Variants in GFRA2 observed in about 807,000 individuals in gnomAD.
The protein encoded by GFRA2 is GDNF family receptor alpha 2.
GFRA2 carries 17 observed loss-of-function variants against 48.3 expected under a neutral mutation model. The observed-to-expected ratio is 0.35, with a 90% CI of 0.24 to 0.53. GFRA2 has a LOEUF of 0.53. Among genes scored for constraint, GFRA2 ranks in the 20% least tolerant of loss-of-function variants. GFRA2 has a pLI of 0.93. For synonymous variants in GFRA2, 305 were observed against 257.2 expected (o/e 1.19, Z -1.78); for missense variants, 660 against 637.3 (o/e 1.04, Z -0.38).
chr8:21,725,304 C>G (rs145320844), intron 4 of GFRA2, among the ~76,000 whole-genome samples: 1 of 152,154 alleles, frequency 6.6e-6, no homozygotes, highest in Non-Finnish European at 1.5e-5. Context: ...ACAAAGCAAT[C>G]GGCAGCTGTG....
At chr8:21,719,462 A>G (rs1803491742) in intron 4 of GFRA2, among the ~76,000 whole-genome samples, 1 of 152,190 alleles carries the variant, frequency 6.6e-6, no homozygotes, top group African/African-American at 2.4e-5. Context: ...AAAGAATTAA[A>G]CGTATGCATC....
intron 4 of GFRA2, among the ~76,000 whole-genome samples, chr8:21,719,073 G>A (rs544412886): frequency 2.0e-5 from 3 of 152,232 alleles, no homozygotes; most frequent in South Asian, 2.1e-4. Flanking sequence ...TCCTCTGGGG[G>A]AGCCATGAAG....
At chr8:21,793,533 G>T (rs1392278185), upstream of GFRA2, among the ~76,000 whole-genome samples, 3 of 152,134 alleles carry the variant, frequency 2.0e-5, no homozygotes, top group Non-Finnish European at 4.4e-5. Context: ...CAAATTTATG[G>T]CTAGATACAA....
intron 3 of GFRA2, among the ~76,000 whole-genome samples, chr8:21,753,865 C>T (rs1016176599): frequency 6.6e-6 from 1 of 152,182 alleles, no homozygotes; most frequent in African/African-American, 2.4e-5. Flanking sequence ...TTTCTCCAGG[C>T]TCATTTCCCT....
At chr8:21,810,296 C>G (rs140792240) in intron 1 of GFRA2, among the ~76,000 whole-genome samples, 5 of 152,262 alleles carry the variant, frequency 3.3e-5, no homozygotes, top group African/African-American at 1.2e-4. Flanking sequence ...ACATGCAATC[C>G]TTCCCCACTC....
At chr8:21,797,028 C>T (rs1490901274) in intron 2 of GFRA2, among the ~76,000 whole-genome samples, 4 of 152,208 alleles carry the variant, frequency 2.6e-5, no homozygotes, top group Non-Finnish European at 5.9e-5. Context: ...TACGTGACAG[C>T]GATCACACAG....
At chr8:21,747,564 G>C (rs1805067760) in intron 4 of GFRA2, among the ~76,000 whole-genome samples, 1 of 152,074 alleles carries the variant, frequency 6.6e-6, no homozygotes, top group Non-Finnish European at 1.5e-5. Flanking sequence ...AACTCCAGGA[G>C]AGCTTGGTCT....
At chr8:21,722,476 A>C (rs2117450971) in intron 4 of GFRA2, among the ~76,000 whole-genome samples, 1 of 152,290 alleles carries the variant, frequency 6.6e-6, no homozygotes, top group South Asian at 2.1e-4. Flanking sequence ...AGTGTTTCAC[A>C]AAAGGGGCTT....
At chr8:21,772,889 A>G (rs1806505815) in intron 3 of GFRA2, among the ~76,000 whole-genome samples, 2 of 152,206 alleles carry the variant, frequency 1.3e-5, no homozygotes, top group Non-Finnish European at 2.9e-5. Context: ...CTACGCTTCA[A>G]CATCCAGGAG....
intron 8 of GFRA2, among the ~76,000 whole-genome samples, chr8:21,693,727 T>A (rs1428134153): frequency 4.2e-4 from 3 of 7,184 alleles, no homozygotes; most frequent in Non-Finnish European, 9.1e-4. Context: ...AGGAGGCAGA[T>A]GGTATAAAGA....
chr8:21,695,512 C>T (rs145222271), intron 7 of GFRA2, among the ~76,000 whole-genome samples: 3 of 152,296 alleles, frequency 2.0e-5, no homozygotes, highest in Non-Finnish European at 4.4e-5. Flanking sequence ...CACATGGAGA[C>T]GCTGGCCAAG....
At chr8:21,695,333 C>T (rs1287529748) in intron 7 of GFRA2, among the ~76,000 whole-genome samples, 1 of 152,142 alleles carries the variant, frequency 6.6e-6, no homozygotes, top group East Asian at 1.9e-4. Flanking sequence ...ATTCAAATGG[C>T]TTGTTCCCAG....
At chr8:21,737,734 C>A (rs1479655915) in intron 4 of GFRA2, among the ~76,000 whole-genome samples, 1 of 152,174 alleles carries the variant, frequency 6.6e-6, no homozygotes, top group Non-Finnish European at 1.5e-5. Context: ...CCGCAGGACC[C>A]TGTCTCCACA....
At chr8:21,732,562 C>T (rs1330935069) in intron 4 of GFRA2, among the ~76,000 whole-genome samples, 1 of 152,200 alleles carries the variant, frequency 6.6e-6, no homozygotes, top group Admixed American at 6.5e-5. Flanking sequence ...CTGAAGGATC[C>T]ACCAGGGAGC....
rs1563211514 is a variant in GFRA2, at chr8:21,696,885, G to GGGGGAGGGGACAGAGTGAGA, written c.1219-2388_1219-2369dup. Among the ~76,000 whole-genome samples, 8 of 146,914 alleles carry GGGGGAGGGGACAGAGTGAGA rather than the reference G, an allele frequency of 5.4e-5. No individual in the cohort carries two copies. The East Asian group carries it at 1.6e-3, about 30-fold the overall frequency. On this transcript the variant is annotated intron_variant, in intron 7 of 8. Coordinates refer to ENST00000524240, the MANE Select transcript of GFRA2 (RefSeq NM_001495.5). ...GAAATGGAAACAGGAAAGAGGAAGA[G>GGGGGAGGGGACAGAGTGAGA]GGGGAGGGGACAGAGTGAGAGGAGA...
rs1362303262 is a variant in GFRA2 at position 21,691,030 on chromosome 8, A to G, written c.*2248T>C. ...TGCAGAGGCTGGAAGGCAATACACC[A>G]CAGTGATAAACGCTGTGAACGGATG... is the stretch of plus-strand genomic sequence containing the variant. On this transcript the variant is annotated 3_prime_UTR_variant, in exon 9 of 9. Coordinates refer to ENST00000524240, the MANE Select transcript of GFRA2 (RefSeq NM_001495.5). 2 of 152,182 alleles carry G rather than the reference A, an allele frequency of 1.3e-5. No individual in the cohort carries two copies. The highest frequency in any genetic ancestry group is 2.4e-5 in the African/African-American group (1 of 41,420). The allele number at this position is 152,182 out of a possible 1,614,324, so 9.4% of individuals were successfully genotyped here. A position where few individuals can be genotyped will look rare whatever the true frequency, so the allele number is the denominator to read the frequency against.
intron 7 of GFRA2, among the ~76,000 whole-genome samples, chr8:21,701,915 C>T (rs117970349): frequency 0.014 from 2,161 of 152,186 alleles, 25 homozygotes; most frequent in Middle Eastern, 0.024. Flanking sequence ...CCACAAGGAA[C>T]CACAGTGGGA....
chr8:21,735,557 T>C (rs910456535), intron 4 of GFRA2, among the ~76,000 whole-genome samples: 1 of 149,818 alleles, frequency 6.7e-6, no homozygotes, highest in Admixed American at 6.6e-5. Flanking sequence ...CTGCTGGTGC[T>C]GAGTGGTCTC....
intron 4 of GFRA2, among the ~76,000 whole-genome samples, chr8:21,734,342 C>T (rs1021513123): frequency 6.6e-6 from 1 of 152,256 alleles, no homozygotes; most frequent in African/African-American, 2.4e-5. Context: ...GCCTTCCTTG[C>T]CACTCTGCCC....
Sources: gnomAD v4.1 joint callset for allele counts (sites outside exome capture counted in the v4.1 genomes callset) on GRCh38, gnomAD v4.1.1 for gene constraint, MANE v1.5 for transcripts, NCBI Gene and HGNC (gene_info 2026-07-23, HGNC 2026-07-21) for gene names.